The following ROBO1 variants were observed in gnomAD, a reference collection of about 807,000 sequenced individuals.
ROBO1 encodes the protein roundabout homolog 1.
Under a neutral mutation model 195.9 loss-of-function variants are expected in ROBO1, and 149 were observed. The ratio of observed to expected loss-of-function variants is 0.76; its 90% CI spans 0.67 to 0.87. The LOEUF is 0.87. Among genes scored for constraint, ROBO1 ranks in the 40% least tolerant of loss-of-function variants. The pLI, the probability that ROBO1 is intolerant of heterozygous loss-of-function variation, is 0.00. For synonymous variants in ROBO1, 816 were observed against 733.2 expected (o/e 1.11, Z -1.82); for missense variants, 1,933 against 2,068.3 (o/e 0.93, Z 1.27).
At chr3:78,792,396 A>ATT in intron 4 of ROBO1, among the ~76,000 whole-genome samples, 1 of 152,298 alleles carries the variant, frequency 6.6e-6, no homozygotes, top group East Asian at 1.9e-4. Flanking sequence ...TTTACCTACT[A>ATT]ATGTGCCATT....
chr3:79,232,256 A>ATAT (rs202151110), intron 2 of ROBO1, among the ~76,000 whole-genome samples: 95 of 146,456 alleles, frequency 6.5e-4, no homozygotes, highest in African/African-American at 2.3e-3. Flanking sequence ...TTAAAAAAAA[A>ATAT]AAAAATATAT....
intron 1 of ROBO1, among the ~76,000 whole-genome samples, chr3:79,713,002 GT>G (rs1702335337): frequency 6.6e-6 from 1 of 152,042 alleles, no homozygotes; most frequent in South Asian, 2.1e-4. Flanking sequence ...AGGTATACAT[GT>G]GCCATGTTGG....
chr3:79,571,002 C>G (rs1943259807), intron 2 of ROBO1, among the ~76,000 whole-genome samples: 1 of 152,060 alleles, frequency 6.6e-6, no homozygotes, highest in Non-Finnish European at 1.5e-5. Context: ...CAAGCAGAGT[C>G]TTGTTTTCAT....
At chr3:79,247,236 GAACA>G (rs1351758415) in intron 2 of ROBO1, among the ~76,000 whole-genome samples, 6 of 147,860 alleles carry the variant, frequency 4.1e-5, no homozygotes, top group Admixed American at 2.8e-4. Context: ...TTCTCTCTAT[GAACA>G]AACAGTTAAA....
At chr3:79,142,569 T>TTAGAGTGGACACAGCC (rs2080550662) in intron 2 of ROBO1, among the ~76,000 whole-genome samples, 1 of 152,154 alleles carries the variant, frequency 6.6e-6, no homozygotes, top group African/African-American at 2.4e-5. Flanking sequence ...CTGCACATGT[T>TTAGAGTGGACACAGCC]TAGAGTGGAC....
At chr3:79,567,864 C>T (rs964626569) in intron 2 of ROBO1, among the ~76,000 whole-genome samples, 24 of 152,048 alleles carry the variant, frequency 1.6e-4, no homozygotes, top group African/African-American at 5.3e-4. Flanking sequence ...ACATTTGTTG[C>T]ACTTCCCTTC....
chr3:79,421,840 T>C (rs1167065593), intron 2 of ROBO1, among the ~76,000 whole-genome samples: 1 of 152,036 alleles, frequency 6.6e-6, no homozygotes, highest in East Asian at 1.9e-4. Context: ...GCATTTTTAA[T>C]TATTTATCTT....
intron 3 of ROBO1, among the ~76,000 whole-genome samples, chr3:79,113,537 G>T (rs1488871321): frequency 2.0e-5 from 3 of 152,078 alleles, no homozygotes; most frequent in African/African-American, 7.2e-5. Flanking sequence ...GGAGGCCGAC[G>T]TGGGTGGATC....
At chr3:78,610,348 G>GA (rs995290626) in intron 28 of ROBO1, among the ~76,000 whole-genome samples, 1 of 152,084 alleles carries the variant, frequency 6.6e-6, no homozygotes, top group African/African-American at 2.4e-5. Flanking sequence ...GAGAGAGTTA[G>GA]AAAACAGGCT....
chr3:78,641,771 T>C (rs1372716666), intron 21 of ROBO1, among the ~76,000 whole-genome samples: 1 of 152,168 alleles, frequency 6.6e-6, no homozygotes, highest in Non-Finnish European at 1.5e-5. Context: ...ACAATATTTT[T>C]ATGCTGCTCT....
At chr3:78,819,244 T>C (rs2030565112) in intron 4 of ROBO1, among the ~76,000 whole-genome samples, 1 of 152,042 alleles carries the variant, frequency 6.6e-6, no homozygotes, top group Admixed American at 6.5e-5. Flanking sequence ...ACGATTCTAA[T>C]TTTAATGTCA....
At chr3:79,298,883 A>G (rs1285171560) in intron 2 of ROBO1, among the ~76,000 whole-genome samples, 1 of 152,166 alleles carries the variant, frequency 6.6e-6, no homozygotes, top group African/African-American at 2.4e-5. Context: ...GGAGAAAATT[A>G]CAGGTTAAAT....
intron 5 of ROBO1, among the ~76,000 whole-genome samples, chr3:78,743,082 T>C (rs1304171167): frequency 6.6e-6 from 1 of 152,120 alleles, no homozygotes; most frequent in Non-Finnish European, 1.5e-5. Flanking sequence ...ACACACAAAA[T>C]ATAACCTTTA....
chr3:79,631,709 C>T (rs138498759), intron 1 of ROBO1, among the ~76,000 whole-genome samples: 16 of 151,696 alleles, frequency 1.1e-4, no homozygotes, highest in Admixed American at 7.2e-4. Context: ...ACTTACAAAA[C>T]GGGAGAAAAT....
chr3:79,700,821 GTCCGTT>G (rs1947601648), intron 1 of ROBO1, among the ~76,000 whole-genome samples: 1 of 151,732 alleles, frequency 6.6e-6, no homozygotes, highest in Non-Finnish European at 1.5e-5. Context: ...TCTGTGGGTT[GTCCGTT>G]AATGCTGTTT....
intron 1 of ROBO1, among the ~76,000 whole-genome samples, chr3:79,735,163 G>T (rs1004118781): frequency 4.6e-5 from 7 of 152,128 alleles, no homozygotes; most frequent in Non-Finnish European, 8.8e-5. Context: ...AAGCTATTTG[G>T]GTGGTTTGTG....
chr3:79,054,677 T>C (rs1014680256), intron 3 of ROBO1, among the ~76,000 whole-genome samples: 3 of 152,114 alleles, frequency 2.0e-5, no homozygotes, highest in African/African-American at 7.2e-5. Context: ...GCGGCCAAGC[T>C]GGCTCAGCAA....
intron 1 of ROBO1, among the ~76,000 whole-genome samples, chr3:79,697,992 T>C (rs1947497646): frequency 6.6e-6 from 1 of 151,552 alleles, no homozygotes; most frequent in Non-Finnish European, 1.5e-5. Context: ...TTTTAAAGAT[T>C]TTTTATTGAA....
At chr3:78,698,876 C>CT (rs1424782157) in intron 8 of ROBO1, among the ~76,000 whole-genome samples, 1 of 152,156 alleles carries the variant, frequency 6.6e-6, no homozygotes, top group Non-Finnish European at 1.5e-5. Context: ...AATATTGTCA[C>CT]TTTCCCAAAA....
Sources: allele counts gnomAD v4.1 joint callset (sites outside exome capture counted in the v4.1 genomes callset), GRCh38; gene constraint gnomAD v4.1.1; transcripts MANE v1.5; gene names NCBI Gene and HGNC (gene_info 2026-07-23, HGNC 2026-07-21).